Variants in SLIT3 observed in about 807,000 individuals in gnomAD.
SLIT3 encodes the protein slit homolog 3 protein.
A neutral mutation model predicts 184.0 loss-of-function variants in SLIT3; 68 were observed. The observed-to-expected ratio is 0.37, with a 90% CI of 0.30 to 0.45. The LOEUF is 0.45. SLIT3 is among the 20% of genes least tolerant of loss of function. The pLI is 1.00. For synonymous variants in SLIT3, 831 were observed against 828.6 expected, an observed-to-expected ratio of 1.00 and a Z score of -0.05; for missense variants, 1,707 against 2,026.0, an observed-to-expected ratio of 0.84 and a Z score of 3.02.
At chr5:168,794,766 CTT>C (rs1756507132) in intron 10 of SLIT3, among the ~76,000 whole-genome samples, 1 of 152,332 alleles carries the variant, frequency 6.6e-6, no homozygotes, top group Admixed American at 6.5e-5. Context: ...TTGTTCCACT[CTT>C]TGCTATTCCA....
chr5:168,767,779 T>C (rs1239931044), intron 14 of SLIT3, among the ~76,000 whole-genome samples: 1 of 152,000 alleles, frequency 6.6e-6, no homozygotes, highest in Non-Finnish European at 1.5e-5. Context: ...CTTGGAAAAA[T>C]GACCTTGGGT....
At chr5:168,868,431 T>C (rs956372415) in intron 5 of SLIT3, among the ~76,000 whole-genome samples, 4 of 152,162 alleles carry the variant, frequency 2.6e-5, no homozygotes, top group African/African-American at 4.8e-5. Context: ...GCTGGAACTA[T>C]AGGTTCATTT....
At chr5:168,827,668 T>A (rs780794571) in intron 6 of SLIT3, among the ~76,000 whole-genome samples, 1 of 152,170 alleles carries the variant, frequency 6.6e-6, no homozygotes, top group South Asian at 2.1e-4. Context: ...ACAACATTCA[T>A]AGGTTTCTGG....
At chr5:168,890,288 CTT>C (rs1760401136) in intron 4 of SLIT3, among the ~76,000 whole-genome samples, 1 of 152,086 alleles carries the variant, frequency 6.6e-6, no homozygotes, top group Non-Finnish European at 1.5e-5. Flanking sequence ...GGCCCAAAAT[CTT>C]TTTAAATTTT....
chr5:169,152,339 G>T (rs1188791223), intron 4 of SLIT3, among the ~76,000 whole-genome samples: 1 of 152,348 alleles, frequency 6.6e-6, no homozygotes, highest in East Asian at 1.9e-4. Context: ...AGTGAGCGTG[G>T]AAGGGGAGAC....
At chr5:168,758,871 G>A (rs1320440384) in intron 16 of SLIT3, among the ~76,000 whole-genome samples, 1 of 152,214 alleles carries the variant, frequency 6.6e-6, no homozygotes, top group Non-Finnish European at 1.5e-5. Flanking sequence ...CAGAATGTCC[G>A]AAACTTTCTG....
chr5:169,141,617 T>C (rs1761743687), intron 4 of SLIT3, among the ~76,000 whole-genome samples: 3 of 151,732 alleles, frequency 2.0e-5, no homozygotes, highest in African/African-American at 4.8e-5. Context: ...CGGGTGCCTG[T>C]AGTCCCAGCT....
At chr5:169,209,399 C>G (rs111497347) in intron 3 of SLIT3, among the ~76,000 whole-genome samples, 10,472 of 152,218 alleles carry the variant, frequency 0.069, 446 homozygotes, top group South Asian at 0.12. Context: ...GTGGCGATTC[C>G]TCAAGGATCT....
chr5:169,208,071 A>G (rs1764135027), intron 3 of SLIT3, among the ~76,000 whole-genome samples: 1 of 152,220 alleles, frequency 6.6e-6, no homozygotes, highest in Non-Finnish European at 1.5e-5. Context: ...CCTGGGGGCA[A>G]ACAGGGAAGA....
intron 4 of SLIT3, among the ~76,000 whole-genome samples, chr5:169,108,649 C>T (rs1448685821): frequency 6.6e-6 from 1 of 152,100 alleles, no homozygotes; most frequent in Non-Finnish European, 1.5e-5. Flanking sequence ...TTTTAATGCT[C>T]TTGGTGGATG....
intron 2 of SLIT3, among the ~76,000 whole-genome samples, chr5:169,250,747 C>A (rs1362983623): frequency 2.0e-5 from 3 of 152,210 alleles, no homozygotes; most frequent in Non-Finnish European, 4.4e-5. Flanking sequence ...AAAATAAAAT[C>A]TAAATTGCTT....
intron 4 of SLIT3, among the ~76,000 whole-genome samples, chr5:168,897,896 C>T (rs1279027146): frequency 2.0e-5 from 1 of 49,216 alleles, no homozygotes; most frequent in Non-Finnish European, 6.3e-5. Flanking sequence ...CTCTGAGACA[C>T]CCCCCCACCT....
At chr5:169,114,685 G>A (rs1180008715) in intron 4 of SLIT3, among the ~76,000 whole-genome samples, 1 of 152,210 alleles carries the variant, frequency 6.6e-6, no homozygotes, top group African/African-American at 2.4e-5. Context: ...ACCTGTGCCT[G>A]CAGCTGCTTT....
intron 1 of SLIT3, among the ~76,000 whole-genome samples, chr5:169,256,661 A>T (rs1158700163): frequency 6.6e-6 from 1 of 152,216 alleles, no homozygotes; most frequent in East Asian, 1.9e-4. Flanking sequence ...CCTTCTGAAT[A>T]CACAATATTT....
chr5:168,739,732 C>T (rs771270369), intron 20 of SLIT3, among the ~76,000 whole-genome samples: 10 of 152,192 alleles, frequency 6.6e-5, no homozygotes, highest in Non-Finnish European at 1.3e-4. Flanking sequence ...AGGCGTGAGC[C>T]ACCGCACCCG....
intron 3 of SLIT3, among the ~76,000 whole-genome samples, chr5:169,213,063 C>T (rs72645753): frequency 0.31 from 46,480 of 151,914 alleles, 8,103 homozygotes; most frequent in East Asian, 0.69. Flanking sequence ...ATTTAGAAAA[C>T]TTCACCATCT....
At chr5:168,938,024 C>T (rs958461725) in intron 4 of SLIT3, among the ~76,000 whole-genome samples, 7 of 151,970 alleles carry the variant, frequency 4.6e-5, no homozygotes, top group South Asian at 2.1e-4. Context: ...GTAGATACTG[C>T]GGATCTGTAT....
intron 4 of SLIT3, among the ~76,000 whole-genome samples, chr5:169,010,323 T>C (rs1418578997): frequency 1.3e-5 from 2 of 152,108 alleles, no homozygotes; most frequent in Non-Finnish European, 2.9e-5. Context: ...GTTGCTCCTT[T>C]ATTTTAATGT....
chr5:168,698,069 C>T (rs772727658), intron 27 of SLIT3, among the ~76,000 whole-genome samples: 14 of 152,160 alleles, frequency 9.2e-5, no homozygotes, highest in Non-Finnish European at 1.6e-4. Context: ...GGGATGAGAG[C>T]AGATCTCATC....
Sources: allele counts gnomAD v4.1 joint callset (sites outside exome capture counted in the v4.1 genomes callset), GRCh38; gene constraint gnomAD v4.1.1; transcripts MANE v1.5; gene names NCBI Gene and HGNC (gene_info 2026-07-23, HGNC 2026-07-21).